Variants in ZBTB7C observed in about 807,000 individuals in gnomAD.
ZBTB7C encodes zinc finger and BTB domain-containing protein 7C.
In ZBTB7C, 8 loss-of-function variants were observed where a neutral mutation model predicts 25.7. The ratio of observed to expected loss-of-function variants is 0.31; its 90% CI spans 0.18 to 0.56. ZBTB7C has a LOEUF of 0.56. ZBTB7C is among the 20% of genes least tolerant of loss of function. The probability of loss-of-function intolerance (pLI) is 0.91; values close to 1 mark genes in which losing one functional copy is unlikely to be tolerated. For synonymous variants in ZBTB7C, 394 were observed against 369.0 expected (o/e 1.07, Z -0.78); for missense variants, 824 against 855.2 (o/e 0.96, Z 0.46).
chr18:48,241,338 C>T (rs2043517297), intron 2 of ZBTB7C, among the ~76,000 whole-genome samples: 1 of 152,124 alleles, frequency 6.6e-6, no homozygotes, highest in Non-Finnish European at 1.5e-5. Flanking sequence ...TAACTATACC[C>T]TAGAACAAAT....
chr18:48,078,061 G>A (rs1202652106), intron 3 of ZBTB7C, among the ~76,000 whole-genome samples: 1 of 152,170 alleles, frequency 6.6e-6, no homozygotes. Flanking sequence ...CAAGACAGGT[G>A]GAGTAGAAGG....
chr18:48,243,270 C>CAAAAA (rs57410285), intron 2 of ZBTB7C, among the ~76,000 whole-genome samples: 41 of 88,264 alleles, frequency 4.6e-4, no homozygotes, highest in Middle Eastern at 7.1e-3. Flanking sequence ...TACCCCCCCA[C>CAAAAA]AAAAAAAAAA....
intron 3 of ZBTB7C, among the ~76,000 whole-genome samples, chr18:48,050,111 G>A (rs751445046): frequency 1.2e-4 from 18 of 152,178 alleles, no homozygotes; most frequent in South Asian, 4.1e-4. Flanking sequence ...GGCTACCTGC[G>A]TTCTTTGAGC....
At chr18:48,195,651 T>G (rs1105739) in intron 2 of ZBTB7C, among the ~76,000 whole-genome samples, 45,718 of 151,536 alleles carry the variant, frequency 0.3, 7,201 homozygotes, top group East Asian at 0.55. Context: ...CAGTTTTCAG[T>G]TTTTTTTTCC....
chr18:48,072,126 CATGA>C (rs1296157437), intron 3 of ZBTB7C, among the ~76,000 whole-genome samples: 6 of 152,120 alleles, frequency 3.9e-5, no homozygotes, highest in Non-Finnish European at 7.4e-5. Context: ...ATGAATGAAG[CATGA>C]ATGAATGAAT....
intron 2 of ZBTB7C, among the ~76,000 whole-genome samples, chr18:48,233,806 C>T (rs1389925238): frequency 6.6e-6 from 1 of 152,102 alleles, no homozygotes; most frequent in Non-Finnish European, 1.5e-5. Context: ...CAGCTGCTGC[C>T]AGGGGGTGGG....
At chr18:48,359,206 C>T (rs922701891) in intron 1 of ZBTB7C, among the ~76,000 whole-genome samples, 1 of 152,182 alleles carries the variant, frequency 6.6e-6, no homozygotes, top group Non-Finnish European at 1.5e-5. Context: ...CCCCCATGAA[C>T]TCACACGCAC....
chr18:48,365,163 A>G (rs1039111001), intron 1 of ZBTB7C, among the ~76,000 whole-genome samples: 2 of 152,168 alleles, frequency 1.3e-5, no homozygotes, highest in African/African-American at 4.8e-5. Flanking sequence ...ATCCATCCCC[A>G]CCATTTTGGT....
chr18:48,119,604 C>T, intron 3 of ZBTB7C, among the ~76,000 whole-genome samples: 1 of 152,214 alleles, frequency 6.6e-6, no homozygotes, highest in East Asian at 1.9e-4. Context: ...GACTATATGT[C>T]TACGTTTTGA....
At chr18:48,165,102 C>T (rs1484719609) in intron 3 of ZBTB7C, 1 of 1,287,518 alleles carries the variant, frequency 7.8e-7, no homozygotes, top group Non-Finnish European at 1.0e-6. Context: ...AGTATGGTTA[C>T]AAAATCCCAG....
intron 1 of ZBTB7C, among the ~76,000 whole-genome samples, chr18:48,374,634 C>T (rs1233001982): frequency 6.6e-6 from 1 of 152,238 alleles, no homozygotes; most frequent in Non-Finnish European, 1.5e-5. Flanking sequence ...AGCCTCTTAT[C>T]TGTTTAACCA....
At chr18:48,117,659 GCCAGA>G (rs2039487725) in intron 3 of ZBTB7C, among the ~76,000 whole-genome samples, 6 of 152,186 alleles carry the variant, frequency 3.9e-5, no homozygotes, top group Non-Finnish European at 8.8e-5. Context: ...TATGCCCTCA[GCCAGA>G]GGTAACTCTT....
chr18:48,191,185 C>T (rs2042185456), intron 2 of ZBTB7C, among the ~76,000 whole-genome samples: 2 of 152,262 alleles, frequency 1.3e-5, no homozygotes, highest in South Asian at 4.1e-4. Flanking sequence ...TCTGACCTTC[C>T]AGCAGGTGGA....
chr18:48,057,628 C>T (rs2036969164), intron 3 of ZBTB7C, among the ~76,000 whole-genome samples: 1 of 152,126 alleles, frequency 6.6e-6, no homozygotes, highest in South Asian at 2.1e-4. Flanking sequence ...AGTATTTGAA[C>T]CTTAAAGCCA....
chr18:48,054,310 T>C (rs1327317257), intron 3 of ZBTB7C, among the ~76,000 whole-genome samples: 1 of 152,106 alleles, frequency 6.6e-6, no homozygotes, highest in Non-Finnish European at 1.5e-5. Context: ...AGATTGTATC[T>C]CCTGACCCAG....
Position 48,399,940 on chromosome 18 carries a change from C to T in ZBTB7C, c.-304+9286G>A, listed in dbSNP as rs149062582. 5.6e-4 allele frequency among the ~76,000 whole-genome samples: 86 copies of T among 152,220 alleles called. 1 individual carries two copies. The highest frequency in any genetic ancestry group is 4.8e-3 in the Admixed American group (74 of 15,280). ...CATCCTCTCTTGACAGGCCAAGTGC[C>T]CATTTATGACAGAGCTGAAAAATGT... On this transcript the variant is annotated intron_variant, in intron 1 of 4. Transcript: ENST00000590800.
chr18:48,055,410 CAAA>C (rs57782791), intron 3 of ZBTB7C, among the ~76,000 whole-genome samples: 8,816 of 72,476 alleles, frequency 0.12, 226 homozygotes, highest in East Asian at 0.23. Flanking sequence ...ACTCAAGTCT[CAAA>C]AAAAAAAAAA....
At chr18:48,372,075 C>T (rs575093223) in intron 1 of ZBTB7C, among the ~76,000 whole-genome samples, 1 of 152,310 alleles carries the variant, frequency 6.6e-6, no homozygotes, top group East Asian at 1.9e-4. Flanking sequence ...CTGACCTCCC[C>T]TCACCCCAGG....
At chr18:48,361,947 C>T (rs1037821338) in intron 1 of ZBTB7C, among the ~76,000 whole-genome samples, 1 of 152,232 alleles carries the variant, frequency 6.6e-6, no homozygotes. Flanking sequence ...ACTGCCTCCC[C>T]TCGTGTAACT....
Sources: allele counts gnomAD v4.1 joint callset (sites outside exome capture counted in the v4.1 genomes callset), GRCh38; gene constraint gnomAD v4.1.1; transcripts MANE v1.5; gene names NCBI Gene and HGNC (gene_info 2026-07-23, HGNC 2026-07-21).